The following RARB variants were observed in gnomAD, a reference collection of about 807,000 sequenced individuals.
The protein encoded by RARB is HBV-activated protein.
RARB carries 17 observed loss-of-function variants against 51.9 expected under a neutral mutation model. The observed-to-expected ratio is 0.33, with a 90% CI of 0.22 to 0.49. The LOEUF is 0.49. Ranked by LOEUF, RARB falls within the 20% of genes least tolerant of loss-of-function variation. The pLI is 0.99. For missense variants in RARB, 369 were observed against 550.8 expected, an observed-to-expected ratio of 0.67 and a Z score of 3.30; for synonymous variants, 215 against 195.4, an observed-to-expected ratio of 1.10 and a Z score of -0.84.
intron 4 of RARB, among the ~76,000 whole-genome samples, chr3:25,152,775 G>C (rs931747600): frequency 1.6e-4 from 24 of 152,058 alleles, no homozygotes; most frequent in African/African-American, 5.3e-4. Context: ...ACATTTTATG[G>C]GAGTGTATTA....
intron 5 of RARB, among the ~76,000 whole-genome samples, chr3:25,317,216 G>T (rs908179497): frequency 1.3e-5 from 2 of 152,042 alleles, no homozygotes; most frequent in Non-Finnish European, 2.9e-5. Flanking sequence ...GCACAGGGAA[G>T]GCATTAAATA....
At chr3:25,352,826 C>T (rs1705616728) in intron 5 of RARB, among the ~76,000 whole-genome samples, 1 of 152,122 alleles carries the variant, frequency 6.6e-6, no homozygotes, top group Non-Finnish European at 1.5e-5. Context: ...GTGGGAAGAA[C>T]ACTGAACTGA....
chr3:25,013,202 C>T (rs909001508), intron 2 of RARB, among the ~76,000 whole-genome samples: 3 of 152,108 alleles, frequency 2.0e-5, no homozygotes, highest in Non-Finnish European at 2.9e-5. Context: ...CTGGAGTCAA[C>T]TCAAAGTTAA....
At chr3:25,308,188 G>A (rs1704198635) in intron 5 of RARB, among the ~76,000 whole-genome samples, 1 of 152,184 alleles carries the variant, frequency 6.6e-6, no homozygotes, top group Admixed American at 6.5e-5. Flanking sequence ...TTTCCACATG[G>A]CTGATGTTTG....
intron 5 of RARB, among the ~76,000 whole-genome samples, chr3:25,421,700 G>A (rs1707870043): frequency 6.6e-6 from 1 of 151,936 alleles, no homozygotes; most frequent in South Asian, 2.1e-4. Context: ...CACTGTGCAC[G>A]GCCTTGCACT....
chr3:25,513,933 T>G (rs1438842197), intron 3 of RARB, among the ~76,000 whole-genome samples: 1 of 152,226 alleles, frequency 6.6e-6, no homozygotes, highest in East Asian at 1.9e-4. Context: ...TTTATTCTGC[T>G]TTAAATAGAC....
chr3:24,878,380 T>A (rs1159277511), intron 2 of RARB, among the ~76,000 whole-genome samples: 2 of 152,086 alleles, frequency 1.3e-5, no homozygotes, highest in Non-Finnish European at 2.9e-5. Context: ...TTTCCCTGCT[T>A]GTTTTCGTTT....
chr3:25,336,635 A>G (rs894349023), intron 5 of RARB, among the ~76,000 whole-genome samples: 4 of 152,146 alleles, frequency 2.6e-5, no homozygotes, highest in Non-Finnish European at 4.4e-5. Flanking sequence ...GCCCAACAAC[A>G]TATGGTACTT....
intron 3 of RARB, among the ~76,000 whole-genome samples, chr3:25,118,463 G>A (rs1699727546): frequency 6.6e-6 from 1 of 152,144 alleles, no homozygotes; most frequent in African/African-American, 2.4e-5. Context: ...TGTAATTTAT[G>A]CCAAAAGGAA....
intron 1 of RARB, among the ~76,000 whole-genome samples, chr3:24,852,789 CA>C (rs1434536676): frequency 6.6e-6 from 1 of 152,036 alleles, no homozygotes; most frequent in Admixed American, 6.6e-5. Context: ...ATGGAATTCT[CA>C]AAAAAGGCAA....
rs759589176 is a variant in RARB at position 25,007,592 on chromosome 3, C to CAAAAAAAAAAAAAAACAA, written c.-379-52521_-379-52520insAAACAAAAAAAAAAAAAA. Among the ~76,000 whole-genome samples, 7 of 45,418 alleles carry CAAAAAAAAAAAAAAACAA rather than the reference C, an allele frequency of 1.5e-4. 1 individual carries two copies. Among genetic ancestry groups the CAAAAAAAAAAAAAAACAA allele is most frequent in the African/African-American group, 7.4e-4 (7 of 9,458 alleles). 29.8% of individuals were successfully genotyped at this position (45,418 alleles called of 152,430 possible). A position where few individuals can be genotyped will look rare whatever the true frequency, so the allele number is the denominator to read the frequency against. On this transcript the variant is annotated intron_variant, in intron 2 of 11. Coordinates refer to the RARB transcript ENST00000383772. Reference sequence around the variant, plus strand: ...CCTGGGCAACAGAGTGAGACTGTCTCAAAAAAAAAAAACAAAAAAACCTCA... The same window carrying CAAAAAAAAAAAAAAACAA: ...CCTGGGCAACAGAGTGAGACTGTCTCAAAAAAAAAAAAAAACAAAAAAAAAAAAAACAAAAAAACCTCA...
intron 3 of RARB, among the ~76,000 whole-genome samples, chr3:25,073,710 G>A (rs1370458294): frequency 6.6e-6 from 1 of 152,150 alleles, no homozygotes; most frequent in Admixed American, 6.5e-5. Context: ...AATGCTAGGG[G>A]AACAGTAGAT....
chr3:25,398,038 T>A (rs1349609094), intron 5 of RARB, among the ~76,000 whole-genome samples: 1 of 152,160 alleles, frequency 6.6e-6, no homozygotes, highest in African/African-American at 2.4e-5. Flanking sequence ...GGGTGAAATT[T>A]CCCCTAATTT....
intron 5 of RARB, among the ~76,000 whole-genome samples, chr3:25,249,125 T>C (rs1158887181): frequency 6.6e-6 from 1 of 151,904 alleles, no homozygotes. Flanking sequence ...TTCTTCATTC[T>C]TTTTTATTCT....
intron 2 of RARB, among the ~76,000 whole-genome samples, chr3:25,461,629 T>C (rs749548181): frequency 2.0e-4 from 30 of 152,180 alleles, no homozygotes; most frequent in Non-Finnish European, 2.9e-4. Flanking sequence ...GTGTGATGGC[T>C]CACGCCTGTA....
intron 2 of RARB, among the ~76,000 whole-genome samples, chr3:24,971,207 A>C (rs1038061690): frequency 5.3e-5 from 8 of 151,946 alleles, no homozygotes; most frequent in African/African-American, 1.9e-4. Flanking sequence ...TATATCTTTT[A>C]GTTTTCAAAA....
intron 2 of RARB, among the ~76,000 whole-genome samples, chr3:24,958,886 G>T: frequency 6.6e-6 from 1 of 152,096 alleles, no homozygotes; most frequent in East Asian, 1.9e-4. Context: ...ACTCCTTCAT[G>T]GGCCTCATGA....
At chr3:25,421,220 C>T (rs189886817) in intron 5 of RARB, among the ~76,000 whole-genome samples, 75 of 151,726 alleles carry the variant, frequency 4.9e-4, no homozygotes, top group Admixed American at 2.8e-3. Context: ...AGAGAACTTG[C>T]CCTAATTACA....
At chr3:24,994,956 A>G (rs1383468035) in intron 2 of RARB, among the ~76,000 whole-genome samples, 1 of 151,970 alleles carries the variant, frequency 6.6e-6, no homozygotes, top group African/African-American at 2.4e-5. Context: ...TTGCTCAGGA[A>G]TGTTTTGAAT....
Sources: gnomAD v4.1 joint callset for allele counts (sites outside exome capture counted in the v4.1 genomes callset) on GRCh38, gnomAD v4.1.1 for gene constraint, MANE v1.5 for transcripts, NCBI Gene and HGNC (gene_info 2026-07-23, HGNC 2026-07-21) for gene names.